The following CACNA2D3 variants were observed in gnomAD, a reference collection of about 807,000 sequenced individuals.
CACNA2D3 encodes calcium voltage-gated channel auxiliary subunit alpha2delta 3.
Under a neutral mutation model 160.6 loss-of-function variants are expected in CACNA2D3, and 60 were observed. The ratio of observed to expected loss-of-function variants is 0.37; its 90% CI spans 0.30 to 0.46. The LOEUF is 0.46. Ranked by LOEUF, CACNA2D3 falls within the 20% of genes least tolerant of loss-of-function variation. The pLI, the probability that CACNA2D3 is intolerant of heterozygous loss-of-function variation, is 1.00. For missense variants in CACNA2D3, 1,205 were observed against 1,365.0 expected (o/e 0.88, Z 1.85); for synonymous variants, 558 against 492.9 (o/e 1.13, Z -1.75).
chr3:54,161,394 A>G lies in CACNA2D3; in HGVS notation c.204+37800A>G, dbSNP rs544387784. 2.6e-5 allele frequency among the ~76,000 whole-genome samples: 4 copies of G among 152,314 alleles called. No homozygotes were observed. The East Asian group carries it at 7.7e-4, about 29-fold the overall frequency. ...AGATTAAAATATCCTACTTTTGTTA[A>G]TTTTCAAAAACATAGGCCTGTGAAC... On this transcript the variant is annotated intron_variant, in intron 2 of 37. Transcript: ENST00000474759.
intron 4 of CACNA2D3, among the ~76,000 whole-genome samples, chr3:54,490,377 C>T (rs1310769014): frequency 3.3e-5 from 5 of 152,188 alleles, no homozygotes; most frequent in African/African-American, 4.8e-5. Context: ...CATACCAGGC[C>T]GGTTCCCGCT....
chr3:54,160,846 A>G (rs1700331336), intron 2 of CACNA2D3, among the ~76,000 whole-genome samples: 1 of 152,164 alleles, frequency 6.6e-6, no homozygotes, highest in African/African-American at 2.4e-5. Flanking sequence ...GTTTTATGTT[A>G]TTTTTCATTG....
chr3:55,018,847 C>T (rs358031), intron 35 of CACNA2D3, among the ~76,000 whole-genome samples: 64,876 of 151,636 alleles, frequency 0.43, 16,243 homozygotes, highest in African/African-American at 0.71. Flanking sequence ...TCTACTCTTA[C>T]TGATTTGGGT....
intron 4 of CACNA2D3, among the ~76,000 whole-genome samples, chr3:54,404,692 TC>T (rs1575437147): frequency 2.0e-5 from 3 of 152,050 alleles, no homozygotes; most frequent in African/African-American, 4.8e-5. Flanking sequence ...AGTAAAATTA[TC>T]ACGAATTACA....
At chr3:54,747,882 A>G (rs1331228084) in intron 11 of CACNA2D3, among the ~76,000 whole-genome samples, 5 of 151,700 alleles carry the variant, frequency 3.3e-5, no homozygotes, top group Non-Finnish European at 7.4e-5. Context: ...AGCCCCCATC[A>G]CTCTCCATCA....
At chr3:54,899,543 A>G (rs1278001873) in intron 26 of CACNA2D3, among the ~76,000 whole-genome samples, 1 of 152,150 alleles carries the variant, frequency 6.6e-6, no homozygotes, top group African/African-American at 2.4e-5. Context: ...AAGAGGCTGG[A>G]TGTTCCCCAG....
chr3:54,520,968 T>C (rs1253865132), intron 5 of CACNA2D3, among the ~76,000 whole-genome samples: 1 of 152,224 alleles, frequency 6.6e-6, no homozygotes, highest in African/African-American at 2.4e-5. Context: ...CAGAATAATA[T>C]TCCATTGTAC....
intron 11 of CACNA2D3, among the ~76,000 whole-genome samples, chr3:54,736,078 T>C (rs182428169): frequency 0.073 from 1,757 of 23,954 alleles, 228 homozygotes; most frequent in Non-Finnish European, 0.095. Context: ...TATATACATA[T>C]ATATGTATGT....
At chr3:54,965,087 C>G (rs1002033586) in intron 27 of CACNA2D3, among the ~76,000 whole-genome samples, 1 of 152,188 alleles carries the variant, frequency 6.6e-6, no homozygotes, top group Non-Finnish European at 1.5e-5. Context: ...TAGTAAATAA[C>G]TGAGGTTTTG....
chr3:54,546,374 C>G (rs2106674776), intron 5 of CACNA2D3, among the ~76,000 whole-genome samples: 1 of 152,188 alleles, frequency 6.6e-6, no homozygotes, highest in South Asian at 2.1e-4. Flanking sequence ...GGGAAGACAC[C>G]TAACTTGAAG....
intron 27 of CACNA2D3, among the ~76,000 whole-genome samples, chr3:54,922,292 G>A (rs1038526256): frequency 6.6e-6 from 1 of 151,092 alleles, no homozygotes; most frequent in African/African-American, 2.4e-5. Context: ...CCCATCCCAG[G>A]TTGCTTCCAG....
chr3:54,641,901 G>A (rs1328237772), intron 10 of CACNA2D3, among the ~76,000 whole-genome samples: 2 of 152,104 alleles, frequency 1.3e-5, no homozygotes, highest in Non-Finnish European at 2.9e-5. Context: ...AGGTCTGTTC[G>A]GTTGGTTGGA....
At chr3:54,303,056 G>T (rs180967938) in intron 2 of CACNA2D3, among the ~76,000 whole-genome samples, 2 of 152,082 alleles carry the variant, frequency 1.3e-5, no homozygotes, top group African/African-American at 2.4e-5. Flanking sequence ...TCCTCAGAGA[G>T]GCCTTTGCTC....
At chr3:55,062,495 A>C (rs1173545538) in intron 35 of CACNA2D3, among the ~76,000 whole-genome samples, 6 of 152,206 alleles carry the variant, frequency 3.9e-5, no homozygotes, top group Non-Finnish European at 7.3e-5. Flanking sequence ...TCAGAAGTCT[A>C]GTAGGAAACA....
chr3:54,532,512 C>T (rs573480376), intron 5 of CACNA2D3, among the ~76,000 whole-genome samples: 10 of 152,266 alleles, frequency 6.6e-5, no homozygotes, highest in African/African-American at 1.7e-4. Context: ...TCCATGTGTA[C>T]GCATCATTTA....
intron 3 of CACNA2D3, among the ~76,000 whole-genome samples, chr3:54,325,314 A>T (rs1704100124): frequency 6.6e-6 from 1 of 152,242 alleles, no homozygotes; most frequent in Non-Finnish European, 1.5e-5. Context: ...CGGTACATAT[A>T]ACTGAGATGA....
At chr3:54,756,608 G>C (rs905479591) in intron 12 of CACNA2D3, among the ~76,000 whole-genome samples, 5 of 152,156 alleles carry the variant, frequency 3.3e-5, no homozygotes, top group Admixed American at 1.3e-4. Flanking sequence ...CAGACCCAAG[G>C]AGCGTCGAAG....
At chr3:54,687,143 T>TTTTTTTTTTTTTTTTG (rs1700476606) in intron 11 of CACNA2D3, among the ~76,000 whole-genome samples, 1 of 70,578 alleles carries the variant, frequency 1.4e-5, no homozygotes, top group Non-Finnish European at 3.0e-5. Flanking sequence ...TTGTTTTTTT[T>TTTTTTTTTTTTTTTTG]TTTTTTTGTT....
intron 11 of CACNA2D3, among the ~76,000 whole-genome samples, chr3:54,700,595 GTTTTTA>G: frequency 6.6e-6 from 1 of 152,112 alleles, no homozygotes; most frequent in East Asian, 1.9e-4. Flanking sequence ...AAGATGCCAA[GTTTTTA>G]TTTTTATTTT....
Sources: gnomAD v4.1 joint callset for allele counts (sites outside exome capture counted in the v4.1 genomes callset) on GRCh38, gnomAD v4.1.1 for gene constraint, MANE v1.5 for transcripts, NCBI Gene and HGNC (gene_info 2026-07-23, HGNC 2026-07-21) for gene names.